Variants in ROBO2 observed in about 807,000 individuals in gnomAD.
The protein encoded by ROBO2 is roundabout homolog 2.
A neutral mutation model predicts 160.8 loss-of-function variants in ROBO2; 53 were observed. The observed-to-expected ratio is 0.33, with a 90% CI of 0.26 to 0.41. The LOEUF (loss-of-function observed/expected upper bound fraction) is 0.41, where lower values mean the gene tolerates loss of function less well. Among genes scored for constraint, ROBO2 ranks in the 10% least tolerant of loss-of-function variants. ROBO2 has a pLI of 1.00. For missense variants in ROBO2, 1,577 were observed against 1,722.4 expected, an observed-to-expected ratio of 0.92 and a Z score of 1.49; for synonymous variants, 664 against 611.7, an observed-to-expected ratio of 1.09 and a Z score of -1.26.
At chr3:77,210,302 C>A (rs948617762) in intron 2 of ROBO2, among the ~76,000 whole-genome samples, 5 of 151,698 alleles carry the variant, frequency 3.3e-5, no homozygotes, top group African/African-American at 9.7e-5. Flanking sequence ...AAATTATGTT[C>A]AAAAATGTAT....
chr3:77,047,834 G>A (rs2064836534), intron 1 of ROBO2, among the ~76,000 whole-genome samples: 2 of 151,758 alleles, frequency 1.3e-5, no homozygotes, highest in African/African-American at 2.4e-5. Context: ...ACGAGGTCAG[G>A]AGGTCGAGAC....
At chr3:76,106,493 T>C (rs1174110989) in intron 2 of ROBO2, among the ~76,000 whole-genome samples, 1 of 152,094 alleles carries the variant, frequency 6.6e-6, no homozygotes, top group Non-Finnish European at 1.5e-5. Flanking sequence ...ATAGAACGTC[T>C]TGTCTTTCCC....
At chr3:77,265,551 A>T (rs2059068463) in intron 2 of ROBO2, among the ~76,000 whole-genome samples, 1 of 152,318 alleles carries the variant, frequency 6.6e-6, no homozygotes, top group South Asian at 2.1e-4. Flanking sequence ...CATTTCCATT[A>T]TTCTAAGTCA....
intron 2 of ROBO2, among the ~76,000 whole-genome samples, chr3:76,330,229 A>T (rs575158970): frequency 6.6e-6 from 1 of 152,312 alleles, no homozygotes; most frequent in African/African-American, 2.4e-5. Context: ...GGAGATAGAG[A>T]TACACCCAAT....
chr3:77,326,848 C>T (rs1377218628), intron 2 of ROBO2, among the ~76,000 whole-genome samples: 2 of 152,160 alleles, frequency 1.3e-5, no homozygotes, highest in South Asian at 2.1e-4. Context: ...GAGCTGTGGA[C>T]GTACCTTTCA....
chr3:77,586,578 ATTGT>A (rs1417467746), intron 16 of ROBO2, among the ~76,000 whole-genome samples: 1 of 152,066 alleles, frequency 6.6e-6, no homozygotes, highest in Non-Finnish European at 1.5e-5. Context: ...AACTGACAAC[ATTGT>A]TTCAAAAATA....
chr3:76,477,964 C>G (rs957829053), intron 2 of ROBO2, among the ~76,000 whole-genome samples: 5 of 151,958 alleles, frequency 3.3e-5, no homozygotes, highest in African/African-American at 1.2e-4. Flanking sequence ...ATTCAAAAAA[C>G]TTCTCAGCCT....
chr3:76,505,106 T>C (rs1337921239), intron 2 of ROBO2, among the ~76,000 whole-genome samples: 1 of 152,058 alleles, frequency 6.6e-6, no homozygotes, highest in Non-Finnish European at 1.5e-5. Context: ...AAAAAAACAG[T>C]ATCAATATAA....
intron 2 of ROBO2, among the ~76,000 whole-genome samples, chr3:77,241,883 A>T (rs1407894700): frequency 6.6e-6 from 1 of 152,182 alleles, no homozygotes; most frequent in Non-Finnish European, 1.5e-5. Context: ...CCAAGTGCAT[A>T]AAGGAATCAA....
chr3:76,712,679 A>T (rs114857378), intron 2 of ROBO2, among the ~76,000 whole-genome samples: 4,311 of 151,912 alleles, frequency 0.028, 88 homozygotes, highest in Non-Finnish European at 0.045. Context: ...CGTCTCAAAA[A>T]AAAAATAATA....
At chr3:77,345,269 A>G (rs2067507250) in intron 2 of ROBO2, among the ~76,000 whole-genome samples, 1 of 152,120 alleles carries the variant, frequency 6.6e-6, no homozygotes, top group African/African-American at 2.4e-5. Flanking sequence ...GGTTGCTTGT[A>G]TGTCCTTAAA....
At chr3:77,589,723 G>A (rs747817055) in intron 17 of ROBO2, among the ~76,000 whole-genome samples, 1 of 152,074 alleles carries the variant, frequency 6.6e-6, no homozygotes, top group Non-Finnish European at 1.5e-5. Flanking sequence ...GTGATTGAGA[G>A]AATGAACTCA....
At chr3:76,075,176 C>T (rs1448820583) in intron 2 of ROBO2, among the ~76,000 whole-genome samples, 1 of 151,732 alleles carries the variant, frequency 6.6e-6, no homozygotes, top group Non-Finnish European at 1.5e-5. Context: ...GCCCTGTCAC[C>T]CATGCTTTCT....
intron 2 of ROBO2, among the ~76,000 whole-genome samples, chr3:77,240,807 A>G (rs2088925311): frequency 6.6e-6 from 1 of 152,250 alleles, no homozygotes. Context: ...TTACCCAGAT[A>G]GAACAGAGAA....
intron 2 of ROBO2, among the ~76,000 whole-genome samples, chr3:77,127,212 G>T (rs569536457): frequency 3.3e-5 from 5 of 152,142 alleles, no homozygotes; most frequent in African/African-American, 1.2e-4. Flanking sequence ...TTATGTTCAG[G>T]AGCACCTTTT....
chr3:77,640,404 G>A (rs1234812352), intron 24 of ROBO2, among the ~76,000 whole-genome samples: 1 of 152,178 alleles, frequency 6.6e-6, no homozygotes, highest in Non-Finnish European at 1.5e-5. Flanking sequence ...GTGAGCCACT[G>A]CGCCCGGCCG....
chr3:77,609,600 C>G (rs2094586959), intron 21 of ROBO2, among the ~76,000 whole-genome samples: 1 of 151,760 alleles, frequency 6.6e-6, no homozygotes, highest in Non-Finnish European at 1.5e-5. Flanking sequence ...CTGTAACCCC[C>G]TGCAATAAAA....
intron 2 of ROBO2, among the ~76,000 whole-genome samples, chr3:77,008,085 C>T (rs946547759): frequency 1.3e-5 from 2 of 151,898 alleles, no homozygotes; most frequent in Admixed American, 1.3e-4. Context: ...AAGCTCAAGT[C>T]CAAGTTTCTG....
chr3:76,567,620 GATATAT>G (rs1201854439), intron 2 of ROBO2, among the ~76,000 whole-genome samples: 2 of 33,298 alleles, frequency 6.0e-5, no homozygotes, highest in African/African-American at 1.6e-4. Flanking sequence ...CCAAACTACT[GATATAT>G]ATATATATAT....
Sources: gnomAD v4.1 joint callset for allele counts (sites outside exome capture counted in the v4.1 genomes callset) on GRCh38, gnomAD v4.1.1 for gene constraint, MANE v1.5 for transcripts, NCBI Gene and HGNC (gene_info 2026-07-23, HGNC 2026-07-21) for gene names.